Variants in CYB5R3 observed in about 807,000 individuals in gnomAD.
CYB5R3 encodes the protein NADH-cytochrome b5 reductase 3.
CYB5R3 carries 28 observed loss-of-function variants against 36.5 expected under a neutral mutation model. The observed-to-expected ratio is 0.77, with a 90% confidence interval of 0.57 to 1.05. The LOEUF is 1.05. Ranked by LOEUF, CYB5R3 falls within the 50% of genes least tolerant of loss-of-function variation. The pLI is 0.00. For missense variants in CYB5R3, 474 were observed against 408.9 expected, an observed-to-expected ratio of 1.16 and a Z score of -1.37; for synonymous variants, 181 against 159.8, an observed-to-expected ratio of 1.13 and a Z score of -1.00.
rs1928919326 is a variant in CYB5R3 at position 42,636,780 on chromosome 22, A to G, written c.88T>C (p.Ser30Pro). The G allele has an allele frequency of 6.2e-7, 1 of 1,613,946 alleles. No individual in the cohort carries two copies. Among genetic ancestry groups the G allele is most frequent in the African/African-American group, 1.3e-5 (1 of 75,066 alleles). Residue 30 changes from serine to proline, a missense_variant, in exon 2 of 9, where the codon TCC (serine) becomes CCC (proline). By Grantham distance (74) the Ser-to-Pro change is moderately conservative. Coordinates refer to ENST00000352397, the MANE Select transcript of CYB5R3 (RefSeq NM_000398.7). ...CTCTCGAGGGTGATGGCTGGCGTGG[A>G]GCGCTGGAACAGCTTCATGAGCAGA... ...YSLLMKLFQR[S>P]TPAITLESPD...
chr22:42,632,421 C>G (rs1312557417), intron 2 of CYB5R3: 1 of 152,364 alleles, frequency 6.6e-6, no homozygotes, highest in Admixed American at 6.5e-5. Flanking sequence ...CATCTCGGCT[C>G]AGTACGAGAA....
At chr22:42,630,827 G>A (rs1228097084) in intron 4 of CYB5R3, 55 bp downstream of exon 4, 13 of 1,468,290 alleles carry the variant, frequency 8.9e-6, no homozygotes, top group African/African-American at 1.4e-5. Flanking sequence ...CACATGGGCT[G>A]TTGCCATGGC....
chr22:42,641,904 A>G (rs575296473), intron 1 of CYB5R3, among the ~76,000 whole-genome samples: 2 of 152,106 alleles, frequency 1.3e-5, no homozygotes, highest in Non-Finnish European at 2.9e-5. Context: ...GATTACAGGC[A>G]TGAGCCACTG....
Position 42,634,083 on chromosome 22 carries a change from G to A in CYB5R3, c.153+2632C>T, listed in dbSNP as rs571076983. Among the ~76,000 whole-genome samples the A allele has an allele frequency of 5.3e-4, 80 of 152,204 alleles. 1 individual carries two copies. The South Asian group carries it at 9.1e-3, about 17-fold the overall frequency. On this transcript the variant is annotated intron_variant, in intron 2 of 8. Coordinates refer to ENST00000352397, the MANE Select transcript of CYB5R3 (RefSeq NM_000398.7). ...AACATATCACAGGGCCAGGCACGGT[G>A]GCTCACGCCTGTAATTCGAGCACTT... is the stretch of plus-strand genomic sequence containing the variant.
intron 1 of CYB5R3, chr22:42,639,896 C>A: frequency 4.2e-6 from 6 of 1,424,300 alleles, no homozygotes; most frequent in South Asian, 1.4e-5. Context: ...AGATAGCAGT[C>A]TGATCACACC....
intron 3 of CYB5R3, 108 bp from the exon 4 acceptor site, chr22:42,631,096 T>A: frequency 9.5e-7 from 1 of 1,057,718 alleles, no homozygotes. Context: ...AAGCCTGGCC[T>A]GGCGTCAGCT....
intron 1 of CYB5R3, among the ~76,000 whole-genome samples, chr22:42,641,134 C>T (rs926526481): frequency 1.8e-4 from 28 of 152,162 alleles, no homozygotes; most frequent in African/African-American, 6.0e-4. Context: ...GGGTTACAGG[C>T]GTGAGCCACC....
At chr22:42,624,562 A>G (rs1220851584) in intron 7 of CYB5R3, among the ~76,000 whole-genome samples, 1 of 145,840 alleles carries the variant, frequency 6.9e-6, no homozygotes, top group Middle Eastern at 3.5e-3. Context: ...AGGGGCTATC[A>G]GGGATCTCCC....
In CYB5R3 at chr22:42,633,603, G is replaced by C. The variant is rs531331295; in HGVS notation, c.154-2153C>G. 2.6e-4 allele frequency among the ~76,000 whole-genome samples: 39 copies of C among 152,308 alleles called. 1 individual carries two copies. The South Asian group carries it at 8.1e-3, about 32-fold the overall frequency. ...GTTCGAGACCAGCCTGACCAACATG[G>C]AGAAACCCCATCTCTACTAAAAATA... On this transcript the variant is annotated intron_variant, in intron 2 of 8. Transcript: ENST00000352397.
Position 42,628,167 on chromosome 22 carries a change from C to T in CYB5R3, c.448G>A (p.Val150Ile), listed in dbSNP as rs764437121. The T allele has an allele frequency of 2.5e-6, 4 of 1,613,948 alleles. No individual in the cohort carries two copies. The highest frequency in any genetic ancestry group is 3.3e-5 in the Admixed American group (2 of 60,004). Residue 150 changes from valine to isoleucine, a missense_variant, in exon 5 of 9, where the codon GTC (valine) becomes ATC (isoleucine). Physicochemically the swap from Val to Ile is conservative, Grantham distance 29 (BLOSUM62 3). Coordinates refer to ENST00000352397, the MANE Select transcript of CYB5R3 (RefSeq NM_000398.7). ...CCCGAATCACCTTTGCCCTGGTAGA[C>T]CAGCAGCCCACTGGGGCCCCGGAAC... ...IEFRGPSGLL[V>I]YQGKGKFAIR... is the part of the protein sequence containing the mutation.
rs370243632 is a variant in CYB5R3, at chr22:42,619,832, C to T, written c.847G>A (p.Ala283Thr). The T allele has an allele frequency of 5.6e-6, 9 of 1,603,274 alleles. No individual in the cohort carries two copies. The highest frequency in any genetic ancestry group is 2.2e-5 in the South Asian group (2 of 89,108). ...MCGPPPMIQY[A>T]CLPNLDHVGH... is the part of the protein sequence containing the mutation. ...ACGTGGTCCAGGTTGGGAAGGCAGG[C>T]GTACTGGATCATGGGTGGGGGGCCA... The change falls in exon 9 of 9, where the codon GCC becomes ACC. Residue 283 changes from alanine (A) to threonine (T), a missense_variant. Coordinates refer to ENST00000352397, the MANE Select transcript of CYB5R3 (RefSeq NM_000398.7).
At chr22:42,630,235 T>A (rs1245451247) in intron 4 of CYB5R3, among the ~76,000 whole-genome samples, 1 of 152,058 alleles carries the variant, frequency 6.6e-6, no homozygotes, top group Non-Finnish European at 1.5e-5. Flanking sequence ...AACCTCCACC[T>A]CGAACCCCGC....
intron 2 of CYB5R3, among the ~76,000 whole-genome samples, chr22:42,633,715 G>A (rs1043414497): frequency 3.3e-5 from 5 of 152,204 alleles, no homozygotes; most frequent in Non-Finnish European, 7.3e-5. Context: ...CCTGGGAAGT[G>A]GAGGTTGCGG....
intron 1 of CYB5R3, among the ~76,000 whole-genome samples, chr22:42,641,314 CTTTT>C (rs200924967): frequency 6.7e-6 from 1 of 148,558 alleles, no homozygotes; most frequent in East Asian, 2.0e-4. Context: ...CATGGATTTT[CTTTT>C]TTTTTTCTTT....
chr22:42,628,291 A>G lies in CYB5R3; in HGVS notation c.334-10T>C, dbSNP rs575559777. On this transcript the variant is annotated splice_polypyrimidine_tract_variant and intron_variant, in intron 4 of 8. Transcript: ENST00000352397. Reference sequence around the variant, plus strand: ...TGTCCTTGAAGTAAACCTGCAAGACACCCCCGCAGCCCTCAGTCCCCAGCT... The same window carrying G: ...TGTCCTTGAAGTAAACCTGCAAGACGCCCCCGCAGCCCTCAGTCCCCAGCT... 1 of 1,612,948 alleles carries G rather than the reference A, an allele frequency of 6.2e-7. No individual in the cohort carries two copies. The highest frequency in any genetic ancestry group is 2.2e-5 in the East Asian group (1 of 44,836).
At chr22:42,630,796 G>T in intron 4 of CYB5R3, 86 bp downstream of exon 4, 1 of 1,190,490 alleles carries the variant, frequency 8.4e-7, no homozygotes, top group Non-Finnish European at 1.2e-6. Context: ...AGGAGCGGGA[G>T]ACTTCCCTGT....
At chr22:42,643,542 A>C (rs529716531) in intron 1 of CYB5R3, among the ~76,000 whole-genome samples, 1 of 146,716 alleles carries the variant, frequency 6.8e-6, no homozygotes, top group African/African-American at 2.5e-5. Flanking sequence ...CCTCTCTCCC[A>C]GGCAGGGCCT....
In CYB5R3 at chr22:42,637,694, G is replaced by A. The variant is rs573364178; in HGVS notation, c.22-848C>T. ...ACAGCCTCTGGGATCCCAGGGCCAC[G>A]TCGGGTACCACACGGGCACGGCTCT... On this transcript the variant is annotated intron_variant, in intron 1 of 8. Transcript: ENST00000352397. 1.1e-4 allele frequency among the ~76,000 whole-genome samples: 17 copies of A among 152,318 alleles called. No individual in the cohort carries two copies. The East Asian group carries it at 1.5e-3, about 14-fold the overall frequency.
intron 1 of CYB5R3, chr22:42,639,851 T>C: frequency 1.6e-6 from 2 of 1,257,528 alleles, no homozygotes; most frequent in South Asian, 1.6e-5. Context: ...CACTTTTTTT[T>C]TTTTTTGGAA....
Sources: gnomAD v4.1 joint callset for allele counts (sites outside exome capture counted in the v4.1 genomes callset) on GRCh38, gnomAD v4.1.1 for gene constraint, MANE v1.5 for transcripts, NCBI Gene and HGNC (gene_info 2026-07-23, HGNC 2026-07-21) for gene names.